Variants in SGCZ observed in about 807,000 individuals in gnomAD.
SGCZ encodes the protein zeta-sarcoglycan.
SGCZ carries 40 observed loss-of-function variants against 41.3 expected under a neutral mutation model. That is an observed-to-expected ratio of 0.97 (90% confidence interval 0.75 to 1.26). The LOEUF (loss-of-function observed/expected upper bound fraction) is 1.26, where lower values mean the gene tolerates loss of function less well. Among genes scored for constraint, SGCZ ranks in the 50% most tolerant of loss-of-function variants. The pLI is 0.00. For synonymous variants in SGCZ, 206 were observed against 137.5 expected, an observed-to-expected ratio of 1.50 and a Z score of -3.49; for missense variants, 552 against 369.8, an observed-to-expected ratio of 1.49 and a Z score of -4.04.
At chr8:14,165,423 G>A (rs1184991964) in intron 4 of SGCZ, 1 of 152,056 alleles carries the variant, frequency 6.6e-6, no homozygotes, top group East Asian at 1.9e-4. Flanking sequence ...TCCATATTTA[G>A]AAAACACAAT....
At chr8:15,202,706 G>C (rs945934171) in intron 1 of SGCZ, among the ~76,000 whole-genome samples, 2 of 152,108 alleles carry the variant, frequency 1.3e-5, no homozygotes, top group Non-Finnish European at 2.9e-5. Context: ...TTCTAAGTCA[G>C]ACATTTTACA....
chr8:14,643,657 C>T (rs905346391), intron 1 of SGCZ, among the ~76,000 whole-genome samples: 1 of 151,674 alleles, frequency 6.6e-6, no homozygotes, highest in African/African-American at 2.4e-5. Flanking sequence ...TCAACAGGAG[C>T]ATCACTAAAA....
chr8:15,168,284 G>A (rs971287239), intron 1 of SGCZ, among the ~76,000 whole-genome samples: 13 of 152,184 alleles, frequency 8.5e-5, no homozygotes, highest in African/African-American at 2.4e-4. Flanking sequence ...GCAGGTGAGC[G>A]TGGCTGATTC....
intron 1 of SGCZ, among the ~76,000 whole-genome samples, chr8:14,941,205 A>G (rs953536715): frequency 4.6e-5 from 7 of 152,102 alleles, no homozygotes; most frequent in African/African-American, 1.7e-4. Context: ...AACTTTCTAC[A>G]TTTTGAAAAA....
At chr8:14,540,105 G>A (rs904680200) in intron 2 of SGCZ, among the ~76,000 whole-genome samples, 5 of 151,736 alleles carry the variant, frequency 3.3e-5, no homozygotes, top group Admixed American at 2.0e-4. Flanking sequence ...ATCTATCCTG[G>A]CAGAGAAGGT....
chr8:14,590,630 C>A (rs1232916431), intron 1 of SGCZ, among the ~76,000 whole-genome samples: 1 of 149,854 alleles, frequency 6.7e-6, no homozygotes, highest in East Asian at 2.0e-4. Flanking sequence ...CAACAAATGG[C>A]AAAACCATTA....
chr8:14,358,611 T>G (rs1385551801), intron 2 of SGCZ, among the ~76,000 whole-genome samples: 1 of 151,798 alleles, frequency 6.6e-6, no homozygotes, highest in Non-Finnish European at 1.5e-5. Flanking sequence ...TCCTGTAAGG[T>G]ATATATATAT....
chr8:15,016,074 A>G (rs970956055), intron 1 of SGCZ, among the ~76,000 whole-genome samples: 5 of 152,138 alleles, frequency 3.3e-5, no homozygotes, highest in African/African-American at 9.7e-5. Flanking sequence ...TATCCTGCTG[A>G]TTAGCCATAA....
intron 1 of SGCZ, among the ~76,000 whole-genome samples, chr8:14,923,541 T>C (rs2130794646): frequency 1.3e-5 from 2 of 152,210 alleles, no homozygotes; most frequent in South Asian, 4.1e-4. Context: ...GACACATATA[T>C]TCATGGTGTC....
At chr8:14,210,211 C>T (rs1302579181) in intron 4 of SGCZ, among the ~76,000 whole-genome samples, 1 of 152,126 alleles carries the variant, frequency 6.6e-6, no homozygotes, top group African/African-American at 2.4e-5. Context: ...GTGCACACTA[C>T]TACCGTCTAG....
chr8:14,967,322 C>T (rs7008737), intron 1 of SGCZ, among the ~76,000 whole-genome samples: 23,771 of 152,082 alleles, frequency 0.16, 3,862 homozygotes, highest in African/African-American at 0.42. Context: ...TTCTAACTGG[C>T]GCTCCATCTC....
At chr8:14,186,817 G>A (rs1173653200) in intron 4 of SGCZ, among the ~76,000 whole-genome samples, 1 of 152,180 alleles carries the variant, frequency 6.6e-6, no homozygotes, top group Non-Finnish European at 1.5e-5. Flanking sequence ...CTTCATCGGA[G>A]ACATATTGCT....
chr8:14,769,571 C>T (rs1478285925), intron 1 of SGCZ, among the ~76,000 whole-genome samples: 1 of 152,032 alleles, frequency 6.6e-6, no homozygotes, highest in East Asian at 1.9e-4. Flanking sequence ...GCAGGTGGAT[C>T]ATCTGAGGTC....
intron 1 of SGCZ, among the ~76,000 whole-genome samples, chr8:14,745,999 T>C (rs1799330223): frequency 6.6e-6 from 1 of 152,172 alleles, no homozygotes; most frequent in South Asian, 2.1e-4. Context: ...GCAATAACAA[T>C]TATTATTCTC....
At chr8:14,494,399 T>G (rs867962364) in intron 2 of SGCZ, among the ~76,000 whole-genome samples, 1 of 151,976 alleles carries the variant, frequency 6.6e-6, no homozygotes, top group Non-Finnish European at 1.5e-5. Flanking sequence ...CAGAATCCCA[T>G]GAGCCAAAAG....
intron 3 of SGCZ, among the ~76,000 whole-genome samples, chr8:14,287,311 G>C (rs1290398242): frequency 6.6e-6 from 1 of 151,814 alleles, no homozygotes; most frequent in African/African-American, 2.4e-5. Context: ...GTCATACTGG[G>C]TGTTATGTGT....
At chr8:15,158,395 T>C (rs1799399766) in intron 1 of SGCZ, among the ~76,000 whole-genome samples, 1 of 152,236 alleles carries the variant, frequency 6.6e-6, no homozygotes, top group African/African-American at 2.4e-5. Flanking sequence ...TTGTGCATTT[T>C]TTATGTGCAT....
chr8:14,355,953 G>T (rs1009268707), intron 2 of SGCZ, among the ~76,000 whole-genome samples: 2 of 152,054 alleles, frequency 1.3e-5, no homozygotes, highest in African/African-American at 4.8e-5. Flanking sequence ...TTTCCTCATG[G>T]TGTGAAAGTA....
chr8:14,829,681 T>C lies in SGCZ; in HGVS notation c.40-274755A>G, dbSNP rs551223846. Reference sequence around the variant, plus strand: ...ACATTAGTCCGTTTCTTCTATTTTCTTACGTCTTTTCTTACAGTAGTTAGA... The same window carrying C: ...ACATTAGTCCGTTTCTTCTATTTTCCTACGTCTTTTCTTACAGTAGTTAGA... On this transcript the variant is annotated intron_variant, in intron 1 of 7. Coordinates refer to ENST00000382080, the MANE Select transcript of SGCZ (RefSeq NM_139167.4). 9.4e-5 allele frequency among the ~76,000 whole-genome samples: 14 copies of C among 148,364 alleles called. No individual in the cohort carries two copies. In the East Asian group the frequency reaches 2.0e-3, roughly 21 times the overall value.
Sources: allele counts gnomAD v4.1 joint callset (sites outside exome capture counted in the v4.1 genomes callset), GRCh38; gene constraint gnomAD v4.1.1; transcripts MANE v1.5; gene names NCBI Gene and HGNC (gene_info 2026-07-23, HGNC 2026-07-21).